PCDH15: variants seen among roughly 807,000 people sequenced by gnomAD.
PCDH15 encodes the protein protocadherin related 15.
PCDH15 carries 129 observed loss-of-function variants against 178.5 expected under a neutral mutation model. The ratio of observed to expected loss-of-function variants is 0.72; its 90% CI spans 0.63 to 0.84. The LOEUF (loss-of-function observed/expected upper bound fraction) is 0.84, where lower values mean the gene tolerates loss of function less well. Among genes scored for constraint, PCDH15 ranks in the 40% least tolerant of loss-of-function variants. PCDH15 has a pLI of 0.00. For missense variants in PCDH15, 2,230 were observed against 2,099.9 expected (o/e 1.06, Z -1.21); for synonymous variants, 800 against 732.0 (o/e 1.09, Z -1.50).
intron 3 of PCDH15, among the ~76,000 whole-genome samples, chr10:54,396,958 A>G (rs1951311947): frequency 6.6e-6 from 1 of 151,244 alleles, no homozygotes; most frequent in South Asian, 2.1e-4. Flanking sequence ...TTCCCTCAAT[A>G]TTTTTCTTAT....
chr10:54,653,163 A>G (rs1344150082), intron 2 of PCDH15, among the ~76,000 whole-genome samples: 1 of 152,194 alleles, frequency 6.6e-6, no homozygotes, highest in Non-Finnish European at 1.5e-5. Context: ...CTGATAACAT[A>G]TAGGTTAAGT....
chr10:53,972,823 A>G (rs1564899704), intron 21 of PCDH15, among the ~76,000 whole-genome samples: 1 of 152,164 alleles, frequency 6.6e-6, no homozygotes, highest in Non-Finnish European at 1.5e-5. Context: ...AGAAACAGGA[A>G]CACTTTTACA....
intron 2 of PCDH15, among the ~76,000 whole-genome samples, chr10:55,563,701 T>C (rs899716795): frequency 2.0e-5 from 3 of 149,282 alleles, no homozygotes; most frequent in African/African-American, 7.4e-5. Context: ...ATAACCATTA[T>C]AATGGTGTCC....
intron 3 of PCDH15, among the ~76,000 whole-genome samples, chr10:54,380,835 A>G (rs1039204398): frequency 3.3e-5 from 5 of 149,406 alleles, no homozygotes; most frequent in African/African-American, 1.2e-4. Context: ...TAAAGTTTTA[A>G]TAGTAACTAA....
At chr10:54,990,345 G>A (rs911454652) in intron 2 of PCDH15, among the ~76,000 whole-genome samples, 3 of 152,072 alleles carry the variant, frequency 2.0e-5, no homozygotes, top group Admixed American at 1.3e-4. Context: ...GTGCTTTAAA[G>A]GTATTAAATA....
intron 6 of PCDH15, among the ~76,000 whole-genome samples, chr10:54,333,517 A>T (rs377424775): frequency 6.6e-5 from 10 of 151,984 alleles, no homozygotes; most frequent in African/African-American, 2.2e-4. Flanking sequence ...AACCCTAAGT[A>T]AAAGTCTTGC....
intron 1 of PCDH15, among the ~76,000 whole-genome samples, chr10:54,718,251 T>C (rs1415330049): frequency 1.3e-5 from 2 of 149,092 alleles, no homozygotes; most frequent in African/African-American, 5.0e-5. Flanking sequence ...CCCTAAAACT[T>C]GAAGTATAAT....
At chr10:54,000,911 C>T (rs1205723786) in intron 20 of PCDH15, among the ~76,000 whole-genome samples, 1 of 152,016 alleles carries the variant, frequency 6.6e-6, no homozygotes, top group Non-Finnish European at 1.5e-5. Context: ...TCCCAAAGGT[C>T]AAGGATAAAT....
intron 2 of PCDH15, among the ~76,000 whole-genome samples, chr10:55,344,130 T>C (rs190743383): frequency 1.2e-3 from 189 of 152,198 alleles, no homozygotes; most frequent in African/African-American, 3.9e-3. Context: ...AGATGAAATA[T>C]ATATGTATTC....
chr10:54,504,975 C>T (rs937309006), intron 3 of PCDH15, among the ~76,000 whole-genome samples: 1 of 152,002 alleles, frequency 6.6e-6, no homozygotes, highest in African/African-American at 2.4e-5. Flanking sequence ...TAGGGGAGTT[C>T]ACTTGGAAAT....
chr10:54,274,703 C>T (rs944735913), intron 8 of PCDH15, among the ~76,000 whole-genome samples: 11 of 149,786 alleles, frequency 7.3e-5, no homozygotes, highest in African/African-American at 2.0e-4. Flanking sequence ...GAATGACTGA[C>T]GTGTTCGTAT....
intron 1 of PCDH15, among the ~76,000 whole-genome samples, chr10:54,690,164 A>G (rs2095093161): frequency 6.6e-6 from 1 of 152,142 alleles, no homozygotes. Flanking sequence ...AACACAACGC[A>G]TTACTCATGT....
intron 13 of PCDH15, among the ~76,000 whole-genome samples, chr10:54,182,868 C>T (rs374303553): frequency 3.1e-4 from 47 of 151,626 alleles, no homozygotes; most frequent in Non-Finnish European, 5.4e-4. Flanking sequence ...TTTAAAGTAA[C>T]AACCAAGCAT....
chr10:55,462,200 T>C (rs534046742), intron 2 of PCDH15, among the ~76,000 whole-genome samples: 1 of 152,266 alleles, frequency 6.6e-6, no homozygotes, highest in African/African-American at 2.4e-5. Context: ...ATTTTTGTAA[T>C]AATCTATGAC....
At chr10:55,607,901 T>TA (rs879314703) in intron 2 of PCDH15, among the ~76,000 whole-genome samples, 34 of 147,774 alleles carry the variant, frequency 2.3e-4, no homozygotes, top group Admixed American at 8.8e-4. Flanking sequence ...AGTATAATAA[T>TA]AAAAAAAAAT....
chr10:54,243,189 T>C (rs528188014), intron 8 of PCDH15, among the ~76,000 whole-genome samples: 1 of 152,212 alleles, frequency 6.6e-6, no homozygotes, highest in Non-Finnish European at 1.5e-5. Context: ...AATATTTAAT[T>C]TGTACACTTC....
chr10:55,405,809 G>A (rs900324841), intron 2 of PCDH15, among the ~76,000 whole-genome samples: 5 of 151,920 alleles, frequency 3.3e-5, no homozygotes, highest in Admixed American at 3.3e-4. Flanking sequence ...AATTCTAGTA[G>A]TGGTACACAG....
At chr10:53,922,746 A>G (rs1269098981) in intron 25 of PCDH15, among the ~76,000 whole-genome samples, 1 of 152,164 alleles carries the variant, frequency 6.6e-6, no homozygotes, top group East Asian at 1.9e-4. Flanking sequence ...GCAAAACTGA[A>G]CCACTAAACT....
At chr10:53,846,532 T>C (rs2077990577) in intron 28 of PCDH15, among the ~76,000 whole-genome samples, 2 of 99,608 alleles carry the variant, frequency 2.0e-5, no homozygotes, top group Non-Finnish European at 5.4e-5. Flanking sequence ...ATTTAACTGA[T>C]TTTTTTTCCT....
Sources: gnomAD v4.1 joint callset for allele counts (sites outside exome capture counted in the v4.1 genomes callset) on GRCh38, gnomAD v4.1.1 for gene constraint, MANE v1.5 for transcripts, NCBI Gene and HGNC (gene_info 2026-07-23, HGNC 2026-07-21) for gene names.